Variants in EVI5 observed in about 807,000 individuals in gnomAD.
EVI5 encodes ecotropic viral integration site 5 protein homolog.
In EVI5, 73 loss-of-function variants were observed where a neutral mutation model predicts 112.0. That is an observed-to-expected ratio of 0.65 (90% CI 0.54 to 0.79). The LOEUF (loss-of-function observed/expected upper bound fraction) is 0.79. EVI5 is among the 30% of genes least tolerant of loss of function. The probability of loss-of-function intolerance (pLI) is 0.00; values close to 1 mark genes in which losing one functional copy is unlikely to be tolerated. For missense variants in EVI5, 900 were observed against 968.8 expected (o/e 0.93, Z 0.94); for synonymous variants, 305 against 319.9 (o/e 0.95, Z 0.50).
At chr1:92,548,383 C>T (rs1254176748) in intron 19 of EVI5, among the ~76,000 whole-genome samples, 1 of 151,706 alleles carries the variant, frequency 6.6e-6, no homozygotes, top group African/African-American at 2.4e-5. Context: ...AAACCCACAG[C>T]CAATATCATA....
At chr1:92,628,494 T>C (rs758056446) in intron 14 of EVI5, among the ~76,000 whole-genome samples, 20 of 152,204 alleles carry the variant, frequency 1.3e-4, no homozygotes, top group Non-Finnish European at 2.2e-4. Flanking sequence ...ATCTCTTAAG[T>C]TGATTTTTGT....
intron 10 of EVI5, among the ~76,000 whole-genome samples, chr1:92,672,614 T>C (rs1449375141): frequency 1.3e-5 from 2 of 152,234 alleles, no homozygotes; most frequent in Admixed American, 6.5e-5. Flanking sequence ...TGTTTATTGT[T>C]ATTTCCATAT....
At chr1:92,675,733 G>C (rs1169215393) in intron 10 of EVI5, among the ~76,000 whole-genome samples, 10 of 152,088 alleles carry the variant, frequency 6.6e-5, no homozygotes, top group Admixed American at 4.6e-4. Flanking sequence ...AAGGCAGGTG[G>C]ATCACGAGGT....
At chr1:92,549,989 C>A (rs933734386) in intron 19 of EVI5, among the ~76,000 whole-genome samples, 1 of 152,126 alleles carries the variant, frequency 6.6e-6, no homozygotes, top group African/African-American at 2.4e-5. Flanking sequence ...CCCAGCCATC[C>A]CATTGCTGGG....
chr1:92,717,648 A>G (rs1673975940), intron 2 of EVI5, among the ~76,000 whole-genome samples: 1 of 152,232 alleles, frequency 6.6e-6, no homozygotes, highest in Non-Finnish European at 1.5e-5. Flanking sequence ...AACGGGCAAA[A>G]TAACCAGCTA....
intron 1 of EVI5, among the ~76,000 whole-genome samples, chr1:92,757,361 C>T (rs1335877018): frequency 6.6e-6 from 1 of 151,194 alleles, no homozygotes; most frequent in Non-Finnish European, 1.5e-5. Context: ...GCTTGCCAAA[C>T]AGTCTTTTAT....
chr1:92,551,454 A>G (rs1361033876), intron 19 of EVI5, among the ~76,000 whole-genome samples: 3 of 152,276 alleles, frequency 2.0e-5, no homozygotes, highest in Non-Finnish European at 2.9e-5. Context: ...GAATGAATGG[A>G]AAAAAATTTA....
chr1:92,512,593 G>A lies in EVI5; in HGVS notation c.*1063C>T, dbSNP rs888676498. The stretch of plus-strand genomic sequence containing the variant: ...TATAAAATGATGTTCAATGTTAGGT[G>A]GTACAGATTTATAAATATGTACAAA... On this transcript the variant is annotated 3_prime_UTR_variant, in exon 20 of 20. Coordinates refer to ENST00000684568, the MANE Select transcript of EVI5 (RefSeq NM_001350197.2). 6.6e-6 allele frequency: 1 copy of A among 152,022 alleles called. No homozygotes were observed. The highest frequency in any genetic ancestry group is 2.4e-5 in the African/African-American group (1 of 41,400). The allele number at this position is 152,022 out of a possible 1,614,324, so 9.4% of individuals were successfully genotyped here. A position where few individuals can be genotyped will look rare whatever the true frequency, so the allele number is the denominator to read the frequency against.
At chr1:92,548,861 G>A (rs922642168) in intron 19 of EVI5, among the ~76,000 whole-genome samples, 43 of 152,158 alleles carry the variant, frequency 2.8e-4, no homozygotes, top group African/African-American at 9.9e-4. Flanking sequence ...ACAAACAAAT[G>A]GAAGAACATT....
In EVI5 at chr1:92,695,362, G is replaced by T; in HGVS notation, c.857C>A (p.Thr286Lys). 1 of 1,609,724 alleles carries T rather than the reference G, an allele frequency of 6.2e-7. No homozygotes were observed. Among genetic ancestry groups the T allele is most frequent in the Non-Finnish European group, 8.5e-7 (1 of 1,176,338 alleles). ...TGTTGCAATTGGTAGTGGAAAAGTT[G>T]TAAGAAAGATAGTCAGAAACCAGGA... ...ASSWFLTIFL[T>K]TFPLPIATRI... The change falls in exon 7 of 20, where the codon ACA becomes AAA. Residue 286 changes from threonine to lysine, a missense_variant. By Grantham distance (78) the Thr-to-Lys change is moderately conservative. Coordinates refer to ENST00000684568, the MANE Select transcript of EVI5 (RefSeq NM_001350197.2).
intron 19 of EVI5, among the ~76,000 whole-genome samples, chr1:92,520,463 T>C (rs759731926): frequency 6.6e-6 from 1 of 152,100 alleles, no homozygotes; most frequent in Non-Finnish European, 1.5e-5. Context: ...ATTAGTAGCA[T>C]GGTGGGATAA....
At chr1:92,594,677 G>A (rs560615351) in intron 18 of EVI5, among the ~76,000 whole-genome samples, 3 of 151,786 alleles carry the variant, frequency 2.0e-5, no homozygotes, top group South Asian at 4.2e-4. Context: ...TCTGACAAAG[G>A]GCTAATATCC....
chr1:92,759,167 G>A (rs953796105), intron 1 of EVI5, among the ~76,000 whole-genome samples: 12 of 152,262 alleles, frequency 7.9e-5, no homozygotes, highest in African/African-American at 2.4e-4. Flanking sequence ...AGGTTACAGT[G>A]AGCCGAGATC....
intron 1 of EVI5, among the ~76,000 whole-genome samples, chr1:92,758,030 G>A (rs1482400180): frequency 6.6e-6 from 1 of 151,676 alleles, no homozygotes; most frequent in African/African-American, 2.4e-5. Flanking sequence ...AACAGAATGT[G>A]ATGCAGCCAT....
In EVI5 at chr1:92,592,259, A is replaced by C. The variant is rs566885575; in HGVS notation, c.2070+13048T>G. 7.2e-5 allele frequency among the ~76,000 whole-genome samples: 11 copies of C among 152,328 alleles called. No homozygotes were observed. In the South Asian group the frequency reaches 2.1e-3, roughly 29 times the overall value. ...CTCCGTCTCAGAAAAAAAGAAAAAA[A>C]AGAAACTCACTCAAAACTGCTCAAC... On this transcript the variant is annotated intron_variant, in intron 18 of 19. Transcript: ENST00000684568.
intron 1 of EVI5, among the ~76,000 whole-genome samples, chr1:92,779,754 T>C (rs1684623052): frequency 6.6e-6 from 1 of 151,974 alleles, no homozygotes; most frequent in Non-Finnish European, 1.5e-5. Flanking sequence ...TTTTTTTAAT[T>C]TAAAAAATAA....
intron 19 of EVI5, among the ~76,000 whole-genome samples, chr1:92,538,691 G>T (rs1436902378): frequency 6.6e-6 from 1 of 152,206 alleles, no homozygotes. Context: ...TAAACCCACA[G>T]GAGAAGCAAT....
chr1:92,542,271 T>C (rs751981570), intron 19 of EVI5, among the ~76,000 whole-genome samples: 1 of 152,102 alleles, frequency 6.6e-6, no homozygotes, highest in Non-Finnish European at 1.5e-5. Context: ...GAAACCACTT[T>C]TTTTTTTTGC....
intron 9 of EVI5, among the ~76,000 whole-genome samples, chr1:92,679,391 A>G (rs749701965): frequency 2.3e-4 from 35 of 152,220 alleles, no homozygotes; most frequent in Non-Finnish European, 3.7e-4. Flanking sequence ...CAGCTGCACT[A>G]CTGAAATAAG....
Sources: gnomAD v4.1 joint callset for allele counts (sites outside exome capture counted in the v4.1 genomes callset) on GRCh38, gnomAD v4.1.1 for gene constraint, MANE v1.5 for transcripts, NCBI Gene and HGNC (gene_info 2026-07-23, HGNC 2026-07-21) for gene names.